SH3TC2: variants seen among roughly 807,000 people sequenced by gnomAD.
SH3TC2 encodes SH3 domain and tetratricopeptide repeats 2, also known as SH3 domain and tetratricopeptide repeat-containing protein 2.
SH3TC2 carries 87 observed loss-of-function variants against 124.5 expected under a neutral mutation model. The observed-to-expected ratio is 0.70, with a 90% confidence interval of 0.59 to 0.84. The LOEUF (loss-of-function observed/expected upper bound fraction) is 0.84. Ranked by LOEUF, SH3TC2 falls within the 40% of genes least tolerant of loss-of-function variation. The pLI, the probability that SH3TC2 is intolerant of heterozygous loss-of-function variation, is 0.00. For synonymous variants in SH3TC2, 634 were observed against 628.5 expected (o/e 1.01, Z -0.13); for missense variants, 1,536 against 1,566.4 (o/e 0.98, Z 0.33).
intron 2 of SH3TC2, 117 bp from the exon 3 acceptor site, chr5:149,048,106 A>G (rs1447221650): frequency 3.5e-6 from 5 of 1,420,750 alleles, no homozygotes; most frequent in East Asian, 2.3e-5. Flanking sequence ...TGGTGTCCTC[A>G]TTAGTTACAG....
Position 149,040,618 on chromosome 5 carries a change from C to T in SH3TC2, c.791G>A (p.Gly264Asp), listed in dbSNP as rs754660485. The T allele has an allele frequency of 4.3e-6, 7 of 1,614,020 alleles. No individual in the cohort carries two copies. Among genetic ancestry groups the T allele is most frequent in the East Asian group, 2.2e-5 (1 of 44,884 alleles). ...CGLSRKRDWT[G>D]SYQIGRGRCK... ...CTCAGCCATACCAATCTGATAGGAG[C>T]CTGTCCAATCCCTCTTCCTGGAAAG... The change falls in exon 7 of 17, where the codon GGC (glycine) becomes GAC (aspartate). Residue 264 changes from glycine to aspartate, a missense_variant. This residue lies in a region of SH3TC2 where 1,102 missense variants were observed against 1,098.6 expected (regional missense o/e 1.00). Coordinates refer to ENST00000515425, the MANE Select transcript of SH3TC2 (RefSeq NM_024577.4).
chr5:149,007,425 G>C (rs1295940403), intron 15 of SH3TC2: 4 of 536,594 alleles, frequency 7.5e-6, no homozygotes, highest in Non-Finnish European at 1.3e-5. Flanking sequence ...TGTAATGCAG[G>C]ATTCTGAGAA....
rs1344201592 is a variant in SH3TC2, at chr5:149,027,673, G to A, written c.2059C>T (p.His687Tyr). 6 of 1,614,116 alleles carry A rather than the reference G, an allele frequency of 3.7e-6. No individual in the cohort carries two copies. The highest frequency in any genetic ancestry group is 2.2e-5 in the East Asian group (1 of 44,896). Residue 687 changes from histidine to tyrosine, a missense_variant, in exon 11 of 17, where the codon CAC (histidine) becomes TAC (tyrosine). His to Tyr is a moderately conservative substitution (Grantham distance 83). Around this residue, in one of 3 missense-constraint regions of SH3TC2, gnomAD observed 1,102 missense variants for 1,098.6 expected, o/e 1.00. Transcript: ENST00000515425. ...SFLYDKKYLP[H>Y]LAVASVQQHG... Reference sequence around the variant, plus strand: ...TGCTGGACAGAGGCCACTGCAAGGTGTGGAAGATATTTCTTGTCATACAGA... The same window carrying A: ...TGCTGGACAGAGGCCACTGCAAGGTATGGAAGATATTTCTTGTCATACAGA...
Position 148,992,690 on chromosome 5 carries a change from G to T in SH3TC2, c.*12021C>A, listed in dbSNP as rs1279322465. Among the ~76,000 whole-genome samples the T allele has an allele frequency of 6.9e-6, 1 of 145,146 alleles. No individual in the cohort carries two copies. The highest frequency in any genetic ancestry group is 2.3e-4 in the South Asian group (1 of 4,400). The stretch of plus-strand genomic sequence containing the variant: ...GACAGTTGGTAAAACTGAGACCTCA[G>T]GTGGGAGATGGACTTGTCCCAGTAT... On this transcript the variant is annotated 3_prime_UTR_variant, in exon 17 of 17. Transcript: ENST00000515425.
chr5:149,028,817 T>C (rs1754131373), intron 9 of SH3TC2, 99 bp from the exon 10 acceptor site: 2 of 1,243,048 alleles, frequency 1.6e-6, no homozygotes, highest in Non-Finnish European at 2.4e-6. Flanking sequence ...TTAGGAGCCT[T>C]GGCATTCAAG....
chr5:149,054,399 C>G (rs1177682546), intron 1 of SH3TC2, among the ~76,000 whole-genome samples: 1 of 152,074 alleles, frequency 6.6e-6, no homozygotes, highest in Non-Finnish European at 1.5e-5. Flanking sequence ...TGATAAAATG[C>G]TGATTCTGCT....
chr5:149,053,694 C>T (rs1754594524), intron 1 of SH3TC2, among the ~76,000 whole-genome samples: 1 of 152,202 alleles, frequency 6.6e-6, no homozygotes, highest in South Asian at 2.1e-4. Flanking sequence ...CAAGACACTT[C>T]ACCTGTCCAC....
intron 9 of SH3TC2, among the ~76,000 whole-genome samples, chr5:149,031,220 G>A (rs1225854872): frequency 6.6e-6 from 1 of 152,080 alleles, no homozygotes; most frequent in Non-Finnish European, 1.5e-5. Flanking sequence ...CTCACTGGGG[G>A]CTTACTTCAG....
chr5:148,994,257 C>A lies in SH3TC2; in HGVS notation c.*10454G>T, dbSNP rs1753467263. On this transcript the variant is annotated 3_prime_UTR_variant, in exon 17 of 17. Coordinates refer to ENST00000515425, the MANE Select transcript of SH3TC2 (RefSeq NM_024577.4). ...ACAGGACTTTGGGTAAGATTAATCT[C>A]TTAACCTCTTTGAACTCATTTCTTC... 6.6e-6 allele frequency among the ~76,000 whole-genome samples: 1 copy of A among 152,210 alleles called. No individual in the cohort carries two copies. Among genetic ancestry groups the A allele is most frequent in the Admixed American group, 6.5e-5 (1 of 15,270 alleles).
intron 1 of SH3TC2, among the ~76,000 whole-genome samples, chr5:149,061,593 GA>G (rs1188732241): frequency 6.6e-6 from 1 of 152,276 alleles, no homozygotes; most frequent in African/African-American, 2.4e-5. Flanking sequence ...TAAGGAAACT[GA>G]AACACAGAGA....
chr5:149,051,626 AT>A, intron 2 of SH3TC2, among the ~76,000 whole-genome samples: 1 of 151,808 alleles, frequency 6.6e-6, no homozygotes, highest in African/African-American at 2.4e-5. Flanking sequence ...TAATTTTTTG[AT>A]TTTTTGTTTA....
At chr5:149,021,460 GA>G (rs1487791865) in intron 12 of SH3TC2, among the ~76,000 whole-genome samples, 1 of 150,082 alleles carries the variant, frequency 6.7e-6, no homozygotes, top group African/African-American at 2.5e-5. Flanking sequence ...ATAGAGAATA[GA>G]AAAAAATCAA....
At chr5:149,010,115 T>C (rs1429551157) in intron 14 of SH3TC2, among the ~76,000 whole-genome samples, 155 bp downstream of exon 14, 1 of 152,012 alleles carries the variant, frequency 6.6e-6, no homozygotes, top group African/African-American at 2.4e-5. Context: ...CCCACTAGGT[T>C]GAAGAGAGAG....
intron 14 of SH3TC2, 104 bp from the exon 15 acceptor site, chr5:149,009,105 G>T: frequency 7.2e-7 from 1 of 1,392,494 alleles, no homozygotes; most frequent in Non-Finnish European, 1.0e-6. Context: ...GAACGGCAGT[G>T]GACTAAAACA....
chr5:148,992,599 G>GTTT lies in SH3TC2; in HGVS notation c.*12111_*12112insAAA, dbSNP rs886060126. Among the ~76,000 whole-genome samples, 3 of 64,736 alleles carry GTTT rather than the reference G, an allele frequency of 4.6e-5. No homozygotes were observed. Among genetic ancestry groups the GTTT allele is most frequent in the Non-Finnish European group, 9.0e-5 (3 of 33,492 alleles). The allele number at this position is 64,736 out of a possible 152,430, so 42.5% of individuals were successfully genotyped here. On this transcript the variant is annotated 3_prime_UTR_variant, in exon 17 of 17. Transcript: ENST00000515425. ...CATAATTCCAAGAAGAGATTTCATT[G>GTTT]GTTTTTTTTTTTTTTTTTTTTTTCA...
At chr5:149,041,997 T>C (rs1300385435) in intron 5 of SH3TC2, among the ~76,000 whole-genome samples, 1 of 152,250 alleles carries the variant, frequency 6.6e-6, no homozygotes, top group Non-Finnish European at 1.5e-5. Context: ...ATTAAATTAG[T>C]TTGGGTGAAT....
intron 12 of SH3TC2, among the ~76,000 whole-genome samples, chr5:149,021,782 A>G (rs1753973905): frequency 1.3e-5 from 2 of 152,034 alleles, no homozygotes; most frequent in Admixed American, 1.3e-4. Flanking sequence ...AAACAAAACA[A>G]AAAAACTCCT....
intron 10 of SH3TC2, 46 bp downstream of exon 10, chr5:149,028,631 G>C (rs764761385): frequency 6.2e-7 from 1 of 1,613,606 alleles, no homozygotes; most frequent in African/African-American, 1.3e-5. Flanking sequence ...GGACAGAAGT[G>C]CTGTCCTCAA....
rs1013948925 is a variant in SH3TC2 at position 149,028,797 on chromosome 5, C to A, written c.1136-79G>T. ...CCATGCCTCCAGGTGTACCCCAGATCAGTGGCCTCTTAGGAGCCTTGGCAT... is the reference window on the plus strand; with the variant it reads ...CCATGCCTCCAGGTGTACCCCAGATAAGTGGCCTCTTAGGAGCCTTGGCAT... On this transcript the variant is annotated intron_variant, in intron 9 of 16. Coordinates refer to ENST00000515425, the MANE Select transcript of SH3TC2 (RefSeq NM_024577.4). 8 of 1,463,172 alleles carry A rather than the reference C, an allele frequency of 5.5e-6. No homozygotes were observed. The African/African-American group carries it at 8.3e-5, about 15-fold the overall frequency. 90.6% of individuals were successfully genotyped at this position (1,463,172 alleles called of 1,614,324 possible).
Sources: gnomAD v4.1 joint callset for allele counts (sites outside exome capture counted in the v4.1 genomes callset) on GRCh38, gnomAD v4.1.1 for gene constraint, gnomAD v4.1.1 regional missense constraint, MANE v1.5 for transcripts, NCBI Gene and HGNC (gene_info 2026-07-23, HGNC 2026-07-21) for gene names.